The following SMC2 variants were observed in gnomAD, a reference collection of about 807,000 sequenced individuals.
SMC2 encodes structural maintenance of chromosomes 2, also known as structural maintenance of chromosomes protein 2.
In SMC2, 41 loss-of-function variants were observed where a neutral mutation model predicts 142.6. The observed-to-expected ratio is 0.29, with a 90% CI of 0.22 to 0.37. The LOEUF (loss-of-function observed/expected upper bound fraction) is 0.37. Among genes scored for constraint, SMC2 ranks in the 10% least tolerant of loss-of-function variants. The pLI is 1.00. For missense variants in SMC2, 1,265 were observed against 1,373.7 expected (o/e 0.92, Z 1.25); for synonymous variants, 463 against 457.5 (o/e 1.01, Z -0.15).
chr9:104,110,071 G>A (rs184365357), intron 9 of SMC2, among the ~76,000 whole-genome samples: 20 of 152,266 alleles, frequency 1.3e-4, no homozygotes, highest in Non-Finnish European at 2.1e-4. Flanking sequence ...AGTAGTTCAC[G>A]TTTCCAGTAA....
chr9:104,139,098 T>A, intron 24 of SMC2, 41 bp from the exon 25 acceptor site: 1 of 1,404,464 alleles, frequency 7.1e-7, no homozygotes, highest in African/African-American at 1.5e-5. Flanking sequence ...TTCAAGTATA[T>A]CACAAAAAGT....
At chr9:104,102,886 T>C (rs1398760874) in intron 9 of SMC2, among the ~76,000 whole-genome samples, 1 of 151,666 alleles carries the variant, frequency 6.6e-6, no homozygotes, top group Non-Finnish European at 1.5e-5. Flanking sequence ...GGATTTTAAG[T>C]TGGATAGCCA....
intron 11 of SMC2, 51 bp downstream of exon 11, chr9:104,113,526 G>T (rs940959827): frequency 1.4e-6 from 2 of 1,419,026 alleles, no homozygotes; most frequent in Non-Finnish European, 1.9e-6. Context: ...AGTGATTTTT[G>T]ATAAAAAGCT....
intron 16 of SMC2, among the ~76,000 whole-genome samples, chr9:104,120,418 C>G (rs1031370100): frequency 8.5e-5 from 13 of 152,200 alleles, no homozygotes; most frequent in African/African-American, 2.4e-4. Flanking sequence ...ATTCCATTCT[C>G]TCTGCTGAGA....
upstream of SMC2, among the ~76,000 whole-genome samples, chr9:104,089,989 G>C (rs1829965810): frequency 6.6e-6 from 1 of 151,886 alleles, no homozygotes. Context: ...CTTTAGAGAA[G>C]TAATTACTAG....
At chr9:104,116,790 G>A (rs1172177768) in intron 14 of SMC2, among the ~76,000 whole-genome samples, 1 of 152,206 alleles carries the variant, frequency 6.6e-6, no homozygotes, top group East Asian at 1.9e-4. Flanking sequence ...GTACATAGCA[G>A]GTGACCAGGA....
intron 9 of SMC2, among the ~76,000 whole-genome samples, chr9:104,111,204 A>T (rs1483496940): frequency 1.3e-5 from 2 of 152,206 alleles, no homozygotes; most frequent in African/African-American, 2.4e-5. Flanking sequence ...ATATTTTCAT[A>T]TACATGCTCT....
intron 9 of SMC2, 141 bp from the exon 10 acceptor site, chr9:104,111,440 T>A (rs1832434169): frequency 3.5e-6 from 2 of 577,478 alleles, no homozygotes; most frequent in Non-Finnish European, 6.1e-6. Context: ...AATTCAGTAT[T>A]TATAAAGTTA....
At chr9:104,117,341 C>T (rs1042993227) in intron 14 of SMC2, among the ~76,000 whole-genome samples, 57 of 152,306 alleles carry the variant, frequency 3.7e-4, no homozygotes, top group African/African-American at 1.2e-3. Context: ...AAGAACAATA[C>T]TGAACATGTG....
At chr9:104,106,905 G>T (rs990064778) in intron 9 of SMC2, among the ~76,000 whole-genome samples, 8 of 152,202 alleles carry the variant, frequency 5.3e-5, no homozygotes, top group African/African-American at 1.9e-4. Context: ...TTACTGGCAT[G>T]ATGGTGGCTA....
rs1357273272 is a variant in SMC2, at chr9:104,098,532, C to G, written c.405C>G (p.Gly135=). The part of the protein sequence containing the change: ...TRVQDLFCSV[G]LNVNNPHFLI... ...TACAGGATCTCTTCTGTTCTGTTGGCCTTAATGTTAACAACCCTCACTTTC... is the reference window on the plus strand; with the variant it reads ...TACAGGATCTCTTCTGTTCTGTTGGGCTTAATGTTAACAACCCTCACTTTC... Residue 135 remains glycine (G), a synonymous_variant, in exon 4 of 25, where the codon GGC becomes GGG. Coordinates refer to ENST00000374793, the MANE Select transcript of SMC2 (RefSeq NM_006444.3). 6.3e-7 allele frequency: 1 copy of G among 1,595,796 alleles called. No individual in the cohort carries two copies. Among genetic ancestry groups the G allele is most frequent in the African/African-American group, 1.4e-5 (1 of 73,836 alleles).
At chr9:104,108,916 C>G (rs368295687) in intron 9 of SMC2, among the ~76,000 whole-genome samples, 2 of 152,130 alleles carry the variant, frequency 1.3e-5, no homozygotes, top group African/African-American at 4.8e-5. Context: ...AGCACATGAT[C>G]CCCTGGTTTA....
At chr9:104,107,297 C>A (rs1222188391) in intron 9 of SMC2, among the ~76,000 whole-genome samples, 1 of 152,188 alleles carries the variant, frequency 6.6e-6, no homozygotes, top group African/African-American at 2.4e-5. Context: ...CAAGAAGTTA[C>A]ATTCCAAGAG....
chr9:104,139,352 T>C lies in SMC2; in HGVS notation c.*37T>C, dbSNP rs566495846. The C allele has an allele frequency of 6.6e-7, 1 of 1,526,698 alleles. No homozygotes were observed. Among genetic ancestry groups the C allele is most frequent in the Non-Finnish European group, 8.8e-7 (1 of 1,138,010 alleles). 94.6% of individuals were successfully genotyped at this position (1,526,698 alleles called of 1,614,324 possible). Reference sequence around the variant, plus strand: ...ATTTCTTCATCTTGACCTGTTTTTTTAAATGTAAACTTTTAAGGACTTGAG... The same window carrying C: ...ATTTCTTCATCTTGACCTGTTTTTTCAAATGTAAACTTTTAAGGACTTGAG... On this transcript the variant is annotated 3_prime_UTR_variant, in exon 25 of 25. Coordinates refer to ENST00000374793, the MANE Select transcript of SMC2 (RefSeq NM_006444.3).
chr9:104,122,978 G>T, intron 16 of SMC2, 130 bp from the exon 17 acceptor site: 1 of 875,632 alleles, frequency 1.1e-6, no homozygotes, highest in Non-Finnish European at 1.6e-6. Context: ...AATTATTCCT[G>T]TAACCAGTAG....
At position 104,124,916 on chromosome 9, in the gene SMC2, A is replaced by C; in HGVS notation, c.2262A>C (p.Glu754Asp). ...TTTGCTTACTTTGTGATGCAGAGGAAAGTGAGGAGACTTTGAAAAACACTA... is the reference window on the plus strand; with the variant it reads ...TTTGCTTACTTTGTGATGCAGAGGACAGTGAGGAGACTTTGAAAAACACTA... The part of the protein sequence containing the change: ...ELDALKKTIE[E>D]SEETLKNTKE... Residue 754 changes from glutamate to aspartate, a missense_variant, in exon 18 of 25, where the codon GAA (glutamate) becomes GAC (aspartate). Glu to Asp is a conservative substitution (Grantham distance 45). Transcript: ENST00000374793. 1 of 1,584,634 alleles carries C rather than the reference A, an allele frequency of 6.3e-7. No individual in the cohort carries two copies. The highest frequency in any genetic ancestry group is 8.5e-7 in the Non-Finnish European group (1 of 1,172,726).
chr9:104,114,094 A>C lies in SMC2; in HGVS notation c.1532+13A>C. On this transcript the variant is annotated intron_variant, in intron 12 of 24. Transcript: ENST00000374793. Reference sequence around the variant, plus strand: ...GATTTGCATACAAGTAAGAGACTTAAGCCTTGAATTTTAACATAGTAATAA... The same window carrying C: ...GATTTGCATACAAGTAAGAGACTTACGCCTTGAATTTTAACATAGTAATAA... 1 of 1,390,500 alleles carries C rather than the reference A, an allele frequency of 7.2e-7. No individual in the cohort carries two copies. Among genetic ancestry groups the C allele is most frequent in the Non-Finnish European group, 9.9e-7 (1 of 1,007,594 alleles). The allele number at this position is 1,390,500 out of a possible 1,614,324, so 86.1% of individuals were successfully genotyped here.
chr9:104,131,862 A>G (rs1290965200), intron 21 of SMC2, 147 bp from the exon 22 acceptor site: 2 of 547,830 alleles, frequency 3.7e-6, no homozygotes, highest in South Asian at 2.2e-5. Flanking sequence ...ATGAGTATAT[A>G]TAATTCTTAG....
At chr9:104,096,031 T>C (rs1830413774) in intron 2 of SMC2, 117 bp from the exon 3 acceptor site, 1 of 855,216 alleles carries the variant, frequency 1.2e-6, no homozygotes, top group Admixed American at 2.6e-5. Context: ...TGCCTAACCT[T>C]GTCTACTTAA....
Sources: gnomAD v4.1 joint callset for allele counts (sites outside exome capture counted in the v4.1 genomes callset) on GRCh38, gnomAD v4.1.1 for gene constraint, MANE v1.5 for transcripts, NCBI Gene and HGNC (gene_info 2026-07-23, HGNC 2026-07-21) for gene names.